DCDC1: variants seen among roughly 807,000 people sequenced by gnomAD.
The protein encoded by DCDC1 is doublecortin domain-containing protein 1.
Under a neutral mutation model 178.3 loss-of-function variants are expected in DCDC1, and 200 were observed. The ratio of observed to expected loss-of-function variants is 1.12; its 90% CI spans 1.00 to 1.26. The LOEUF is 1.26. Among genes scored for constraint, DCDC1 ranks in the 50% most tolerant of loss-of-function variants. The pLI, the probability that DCDC1 is intolerant of heterozygous loss-of-function variation, is 0.00. For synonymous variants in DCDC1, 690 were observed against 604.8 expected, an observed-to-expected ratio of 1.14 and a Z score of -2.07; for missense variants, 1,983 against 1,749.2, an observed-to-expected ratio of 1.13 and a Z score of -2.38.
chr11:31,341,426 G>GATAGATAC (rs1555184036), intron 1 of DCDC1, among the ~76,000 whole-genome samples: 21,384 of 151,274 alleles, frequency 0.14, 1,770 homozygotes, highest in Non-Finnish European at 0.18. Context: ...TAGATAGATA[G>GATAGATAC]ATAGATAGAT....
chr11:31,054,484 G>C (rs1182480567), intron 20 of DCDC1, among the ~76,000 whole-genome samples: 1 of 151,878 alleles, frequency 6.6e-6, no homozygotes, highest in Non-Finnish European at 1.5e-5. Flanking sequence ...AATTAGAAAA[G>C]ACAATTCTAA....
chr11:31,255,335 A>G (rs963997525), intron 8 of DCDC1, among the ~76,000 whole-genome samples: 11 of 152,134 alleles, frequency 7.2e-5, no homozygotes, highest in African/African-American at 2.7e-4. Context: ...TTGCAGGGCC[A>G]TGTGGTAATT....
At chr11:30,962,560 C>T (rs1389942026) in intron 20 of DCDC1, among the ~76,000 whole-genome samples, 2 of 151,780 alleles carry the variant, frequency 1.3e-5, no homozygotes, top group Non-Finnish European at 2.9e-5. Context: ...TCTTTAAGCA[C>T]CTTAACACAA....
chr11:30,870,736 A>C (rs1461278957), intron 38 of DCDC1, among the ~76,000 whole-genome samples: 1 of 152,204 alleles, frequency 6.6e-6, no homozygotes, highest in African/African-American at 2.4e-5. Flanking sequence ...ATTGTAATCA[A>C]AGTCACAGAT....
At chr11:31,195,487 G>A (rs1415369369) in intron 9 of DCDC1, among the ~76,000 whole-genome samples, 2 of 152,022 alleles carry the variant, frequency 1.3e-5, no homozygotes, top group African/African-American at 4.8e-5. Context: ...GGAATTTTTT[G>A]GCAACTGAAG....
At chr11:31,348,031 G>A (rs1399212930) in intron 1 of DCDC1, among the ~76,000 whole-genome samples, 2 of 152,078 alleles carry the variant, frequency 1.3e-5, no homozygotes, top group Non-Finnish European at 2.9e-5. Context: ...GTCTTGGCAA[G>A]TTTTACATGT....
chr11:31,233,951 T>A (rs974773435), intron 9 of DCDC1, among the ~76,000 whole-genome samples: 15 of 152,192 alleles, frequency 9.9e-5, no homozygotes, highest in African/African-American at 3.1e-4. Context: ...TTATTTAATT[T>A]TAATTTAAAA....
intron 3 of DCDC1, among the ~76,000 whole-genome samples, chr11:31,325,516 G>A (rs1007334049): frequency 5.9e-5 from 9 of 152,044 alleles, no homozygotes; most frequent in Non-Finnish European, 1.0e-4. Context: ...GGCATGTCCT[G>A]GTACAGAGGT....
chr11:31,057,841 C>T (rs1446921637), intron 20 of DCDC1, among the ~76,000 whole-genome samples: 2 of 152,132 alleles, frequency 1.3e-5, no homozygotes, highest in Admixed American at 1.3e-4. Context: ...AGTAGTACTT[C>T]AAAAGCATAT....
intron 7 of DCDC1, among the ~76,000 whole-genome samples, chr11:31,281,880 A>G (rs1005931008): frequency 1.3e-5 from 2 of 152,148 alleles, no homozygotes; most frequent in Admixed American, 6.6e-5. Context: ...TTTCTTTTGT[A>G]AATTGCCCAG....
chr11:31,115,555 G>C (rs1055314331), intron 11 of DCDC1, among the ~76,000 whole-genome samples: 1 of 152,140 alleles, frequency 6.6e-6, no homozygotes, highest in African/African-American at 2.4e-5. Context: ...CTAGAGGTCT[G>C]GTGAAGGAAA....
At chr11:30,946,963 C>A (rs1424643987) in intron 21 of DCDC1, among the ~76,000 whole-genome samples, 1 of 152,152 alleles carries the variant, frequency 6.6e-6, no homozygotes, top group Non-Finnish European at 1.5e-5. Flanking sequence ...ACAAGAATCA[C>A]AACAGGCTAA....
rs1942358325 is a variant in DCDC1, at chr11:30,878,610, G to T, written c.5335C>A (p.Leu1779Met). 1.2e-6 allele frequency: 2 copies of T among 1,607,604 alleles called. No individual in the cohort carries two copies. The highest frequency in any genetic ancestry group is 1.3e-5 in the African/African-American group (1 of 74,400). Reference sequence around the variant, plus strand: ...TAATTGTGGAGATGTGCCAGAGACAGCAGCTTCGTGGATGGTGACACCACA... The same window carrying T: ...TAATTGTGGAGATGTGCCAGAGACATCAGCTTCGTGGATGGTGACACCACA... The part of the protein sequence containing the change: ...DIVVSPSTKL[L>M]SLAHLHN Residue 1779 changes from leucine (L) to methionine (M), a missense_variant, in exon 38 of 39, where the codon CTG becomes ATG. Transcript: ENST00000684477.
At chr11:31,310,307 G>GTTTTTT (rs775279241) in intron 3 of DCDC1, among the ~76,000 whole-genome samples, 4 of 63,918 alleles carry the variant, frequency 6.3e-5, no homozygotes, top group Admixed American at 3.5e-4. Context: ...AGTAATTCTT[G>GTTTTTT]ATTTTTTTTT....
intron 9 of DCDC1, among the ~76,000 whole-genome samples, chr11:31,202,094 C>T (rs1307270501): frequency 6.6e-6 from 1 of 152,110 alleles, no homozygotes; most frequent in African/African-American, 2.4e-5. Flanking sequence ...TGTCAAAAAC[C>T]TCAAAAGTGG....
Position 31,308,457 on chromosome 11 carries a change from G to A in DCDC1, c.165-549C>T, listed in dbSNP as rs374962974. ...TAAAGATGAAAATAATTCATTGAAG[G>A]CCATTTTAGAATGGGTGGGAATAAA... is the stretch of plus-strand genomic sequence containing the variant. On this transcript the variant is annotated intron_variant, in intron 3 of 38. Transcript: ENST00000684477. Among the ~76,000 whole-genome samples the A allele has an allele frequency of 2.0e-5, 3 of 152,298 alleles. No individual in the cohort carries two copies. The South Asian group carries it at 6.2e-4, about 32-fold the overall frequency.
At chr11:31,067,903 G>T (rs896453742) in intron 18 of DCDC1, among the ~76,000 whole-genome samples, 12 of 152,128 alleles carry the variant, frequency 7.9e-5, no homozygotes, top group Non-Finnish European at 7.4e-5. Flanking sequence ...AGTCCAAGAT[G>T]TCTTTTAGGG....
intron 1 of DCDC1, among the ~76,000 whole-genome samples, chr11:31,339,055 C>T (rs533183445): frequency 6.6e-6 from 1 of 152,304 alleles, no homozygotes; most frequent in Non-Finnish European, 1.5e-5. Context: ...ACTGCTCCTA[C>T]ACTGTTGATG....
chr11:30,865,951 C>T (rs1172615944), intron 38 of DCDC1, among the ~76,000 whole-genome samples: 2 of 151,914 alleles, frequency 1.3e-5, no homozygotes, highest in Non-Finnish European at 2.9e-5. Flanking sequence ...AATTGCATTC[C>T]CCCAAAATTC....
Sources: allele counts gnomAD v4.1 joint callset (sites outside exome capture counted in the v4.1 genomes callset), GRCh38; gene constraint gnomAD v4.1.1; transcripts MANE v1.5; gene names NCBI Gene and HGNC (gene_info 2026-07-23, HGNC 2026-07-21).